Variants in TACR3 observed in about 807,000 individuals in gnomAD.
The protein encoded by TACR3 is neuromedin-K receptor.
Under a neutral mutation model 35.0 loss-of-function variants are expected in TACR3, and 34 were observed. The ratio of observed to expected loss-of-function variants is 0.97; its 90% confidence interval spans 0.74 to 1.30. The LOEUF (loss-of-function observed/expected upper bound fraction) is 1.30, where lower values mean the gene tolerates loss of function less well. Ranked by LOEUF, TACR3 falls within the 50% of genes most tolerant of loss-of-function variation. The probability of loss-of-function intolerance (pLI) is 0.00; values close to 1 mark genes in which losing one functional copy is unlikely to be tolerated. For missense variants in TACR3, 558 were observed against 591.7 expected (o/e 0.94, Z 0.59); for synonymous variants, 233 against 221.1 (o/e 1.05, Z -0.48).
intron 3 of TACR3, among the ~76,000 whole-genome samples, chr4:103,615,499 G>A (rs934110251): frequency 6.6e-6 from 1 of 151,630 alleles, no homozygotes; most frequent in Non-Finnish European, 1.5e-5. Flanking sequence ...AAAATAGCAA[G>A]CCTAATTGTT....
chr4:103,631,335 GAAT>G (rs1015612081), intron 3 of TACR3, among the ~76,000 whole-genome samples: 2 of 151,774 alleles, frequency 1.3e-5, no homozygotes, highest in Admixed American at 6.6e-5. Context: ...ATAAAAAAAT[GAAT>G]AATAAATGCA....
Position 103,586,261 on chromosome 4 carries a change from G to A in TACR3, c.*3421C>T, listed in dbSNP as rs1372342253. ...AACACAAAACTAATGACCTTGTACA[G>A]CCCTTCTGAACTTTATTCTCTATTC... is the stretch of plus-strand genomic sequence containing the variant. On this transcript the variant is annotated 3_prime_UTR_variant, in exon 5 of 5. Coordinates refer to ENST00000304883, the MANE Select transcript of TACR3 (RefSeq NM_001059.3). 1 of 151,594 alleles carries A rather than the reference G, an allele frequency of 6.6e-6. No homozygotes were observed. Among genetic ancestry groups the A allele is most frequent in the Non-Finnish European group, 1.5e-5 (1 of 67,950 alleles). The allele number at this position is 151,594 out of a possible 1,614,324, so 9.4% of individuals were successfully genotyped here. A position where few individuals can be genotyped will look rare whatever the true frequency, so the allele number is the denominator to read the frequency against.
intron 3 of TACR3, among the ~76,000 whole-genome samples, chr4:103,632,236 T>C (rs1016479477): frequency 6.6e-6 from 1 of 152,090 alleles, no homozygotes; most frequent in South Asian, 2.1e-4. Flanking sequence ...ACAGAAAACA[T>C]TGAAACAAAT....
intron 3 of TACR3, among the ~76,000 whole-genome samples, chr4:103,603,011 G>T (rs1344179564): frequency 6.6e-6 from 1 of 152,224 alleles, no homozygotes; most frequent in Non-Finnish European, 1.5e-5. Flanking sequence ...AGGCAGGCAG[G>T]CCTCCTTGAG....
intron 3 of TACR3, among the ~76,000 whole-genome samples, chr4:103,624,755 C>T (rs905761646): frequency 6.6e-6 from 1 of 152,018 alleles, no homozygotes; most frequent in Non-Finnish European, 1.5e-5. Context: ...ATTTGTAATT[C>T]CCTTTTGACT....
chr4:103,662,636 T>G (rs1224358689), intron 1 of TACR3, among the ~76,000 whole-genome samples: 2 of 152,180 alleles, frequency 1.3e-5, no homozygotes, highest in Admixed American at 1.3e-4. Flanking sequence ...TAATTGGGCT[T>G]AAATCAGGTC....
intron 3 of TACR3, among the ~76,000 whole-genome samples, chr4:103,596,736 A>G (rs1724033321): frequency 6.6e-6 from 1 of 151,920 alleles, no homozygotes; most frequent in Non-Finnish European, 1.5e-5. Context: ...TATATCTCCT[A>G]ATGCTATCCC....
At chr4:103,673,041 T>C (rs1726087054) in intron 1 of TACR3, among the ~76,000 whole-genome samples, 1 of 152,168 alleles carries the variant, frequency 6.6e-6, no homozygotes, top group Non-Finnish European at 1.5e-5. Context: ...CTCTTTGAGC[T>C]TTTATAGCAT....
intron 3 of TACR3, among the ~76,000 whole-genome samples, chr4:103,632,938 G>T (rs1725099698): frequency 6.6e-6 from 1 of 151,934 alleles, no homozygotes; most frequent in African/African-American, 2.4e-5. Flanking sequence ...TTTATAGAAG[G>T]AAGAATAAAT....
intron 1 of TACR3, among the ~76,000 whole-genome samples, chr4:103,709,325 G>T (rs905879282): frequency 1.3e-5 from 2 of 152,170 alleles, no homozygotes; most frequent in African/African-American, 2.4e-5. Flanking sequence ...AAACTCTACA[G>T]GCCAGAAGAG....
rs1284013697 is a variant in TACR3 at position 103,622,822 on chromosome 4, T to C, written c.889-31139A>G. Among the ~76,000 whole-genome samples the C allele has an allele frequency of 2.6e-5, 4 of 152,126 alleles. No homozygotes were observed. In the South Asian group the frequency reaches 6.2e-4, roughly 24 times the overall value. On this transcript the variant is annotated intron_variant, in intron 3 of 4. Coordinates refer to ENST00000304883, the MANE Select transcript of TACR3 (RefSeq NM_001059.3). ...GAAGAACTGCATTGCTGTGGAGTTA[T>C]GGAGCTCAGTAGCAAGCAGCTATCA...
intron 4 of TACR3, 180 bp downstream of exon 4, chr4:103,591,307 A>T (rs1362800799): frequency 4.5e-6 from 3 of 668,620 alleles, no homozygotes; most frequent in East Asian, 5.5e-5. Flanking sequence ...TTAATGTGGG[A>T]TGCTTTATAA....
intron 3 of TACR3, among the ~76,000 whole-genome samples, chr4:103,637,022 G>A (rs1725209285): frequency 6.6e-6 from 1 of 152,100 alleles, no homozygotes; most frequent in Non-Finnish European, 1.5e-5. Context: ...AGGAGGAGCT[G>A]GTACCATTCC....
chr4:103,606,030 G>C (rs991411331), intron 3 of TACR3, among the ~76,000 whole-genome samples: 16 of 151,930 alleles, frequency 1.1e-4, no homozygotes, highest in African/African-American at 3.4e-4. Flanking sequence ...TCCAGTTTCA[G>C]CTTTCTACAT....
chr4:103,681,660 T>C (rs141247258), intron 1 of TACR3, among the ~76,000 whole-genome samples: 101 of 152,258 alleles, frequency 6.6e-4, no homozygotes, highest in South Asian at 2.1e-4. Flanking sequence ...AAATTCACAA[T>C]TATAATTTTG....
intron 3 of TACR3, among the ~76,000 whole-genome samples, chr4:103,619,162 A>G (rs538973232): frequency 3.3e-5 from 5 of 152,246 alleles, no homozygotes; most frequent in African/African-American, 9.6e-5. Context: ...TAGGTATACA[A>G]TCATATCATC....
At chr4:103,635,236 G>A (rs75486893) in intron 3 of TACR3, among the ~76,000 whole-genome samples, 2,293 of 151,972 alleles carry the variant, frequency 0.015, 60 homozygotes, top group African/African-American at 0.053. Context: ...TTGCCTAAAT[G>A]TAGATCAAAG....
chr4:103,647,453 C>G (rs1560820966), intron 3 of TACR3, among the ~76,000 whole-genome samples: 1 of 151,796 alleles, frequency 6.6e-6, no homozygotes, highest in Non-Finnish European at 1.5e-5. Flanking sequence ...AAAGCATTCT[C>G]TCTTAAAATT....
At chr4:103,713,243 A>G (rs1400519531) in intron 1 of TACR3, among the ~76,000 whole-genome samples, 1 of 152,072 alleles carries the variant, frequency 6.6e-6, no homozygotes, top group African/African-American at 2.4e-5. Context: ...CATCAATGAT[A>G]GACTGGATTA....
Sources: allele counts gnomAD v4.1 joint callset (sites outside exome capture counted in the v4.1 genomes callset), GRCh38; gene constraint gnomAD v4.1.1; transcripts MANE v1.5; gene names NCBI Gene and HGNC (gene_info 2026-07-23, HGNC 2026-07-21).